The following ANKRD27 variants were observed in gnomAD, a reference collection of about 807,000 sequenced individuals.
The protein encoded by ANKRD27 is ankyrin repeat domain-containing protein 27.
In ANKRD27, 112 loss-of-function variants were observed where a neutral mutation model predicts 129.7. The ratio of observed to expected loss-of-function variants is 0.86; its 90% CI spans 0.74 to 1.01. ANKRD27 has a LOEUF of 1.01. Among genes scored for constraint, ANKRD27 ranks in the 50% least tolerant of loss-of-function variants. The pLI is 0.00. For synonymous variants in ANKRD27, 516 were observed against 511.2 expected, an observed-to-expected ratio of 1.01 and a Z score of -0.13; for missense variants, 1,258 against 1,300.5, an observed-to-expected ratio of 0.97 and a Z score of 0.50.
At chr19:32,660,372 G>A (rs1046034884) in intron 1 of ANKRD27, among the ~76,000 whole-genome samples, 1 of 152,116 alleles carries the variant, frequency 6.6e-6, no homozygotes, top group Admixed American at 6.6e-5. Context: ...GTGAAACCCC[G>A]TCTCTACTGA....
chr19:32,622,707 A>T, intron 17 of ANKRD27, 88 bp from the exon 18 acceptor site: 2 of 1,212,864 alleles, frequency 1.6e-6, no homozygotes, highest in Non-Finnish European at 2.4e-6. Flanking sequence ...CACCAAGCAA[A>T]TGTGCAGTAA....
At chr19:32,640,952 G>C (rs1967188765) in intron 10 of ANKRD27, among the ~76,000 whole-genome samples, 1 of 152,084 alleles carries the variant, frequency 6.6e-6, no homozygotes. Flanking sequence ...AGACTGGAGT[G>C]CAGTGGCGCA....
intron 12 of ANKRD27, 143 bp downstream of exon 12, chr19:32,639,213 T>G (rs529424136): frequency 2.1e-6 from 2 of 971,476 alleles, no homozygotes; most frequent in Non-Finnish European, 3.0e-6. Context: ...GAGTGATTTT[T>G]AAGACTCACA....
At chr19:32,666,051 A>G (rs1212188037) in intron 1 of ANKRD27, among the ~76,000 whole-genome samples, 1 of 152,010 alleles carries the variant, frequency 6.6e-6, no homozygotes, top group Non-Finnish European at 1.5e-5. Context: ...TACAGGCGTG[A>G]GCCACCACAC....
chr19:32,643,556 A>T lies in ANKRD27; in HGVS notation c.585+16T>A. On this transcript the variant is annotated intron_variant, in intron 6 of 28. Transcript: ENST00000306065. Reference sequence around the variant, plus strand: ...GGTGCACCACAATTCTCCCTCTCAGAAGTCCTGCTGCTTACCAGGTGAGAG... The same window carrying T: ...GGTGCACCACAATTCTCCCTCTCAGTAGTCCTGCTGCTTACCAGGTGAGAG... 1 of 1,613,998 alleles carries T rather than the reference A, an allele frequency of 6.2e-7. No homozygotes were observed. Among genetic ancestry groups the T allele is most frequent in the Non-Finnish European group, 8.5e-7 (1 of 1,179,978 alleles).
At chr19:32,618,642 C>A (rs574566320) in intron 20 of ANKRD27, among the ~76,000 whole-genome samples, 4 of 152,104 alleles carry the variant, frequency 2.6e-5, no homozygotes, top group African/African-American at 9.6e-5. Context: ...GAGCATGTCA[C>A]GGCTTGTGGG....
chr19:32,625,847 C>A, intron 17 of ANKRD27, 27 bp downstream of exon 17: 2 of 1,521,036 alleles, frequency 1.3e-6, no homozygotes, highest in South Asian at 2.5e-5. Flanking sequence ...TGAACGCAGC[C>A]CCCCCGGAAC....
chr19:32,611,939 C>G (rs1971841737), intron 22 of ANKRD27, among the ~76,000 whole-genome samples: 1 of 151,950 alleles, frequency 6.6e-6, no homozygotes, highest in African/African-American at 2.4e-5. Flanking sequence ...GGGTCTTACT[C>G]TGTTGGCCAG....
chr19:32,641,231 T>C (rs7260258), intron 10 of ANKRD27, among the ~76,000 whole-genome samples: 7,345 of 150,558 alleles, frequency 0.049, 534 homozygotes, highest in African/African-American at 0.15. Context: ...AAAAAAAATA[T>C]GTTAACTCCA....
In ANKRD27 at chr19:32,672,352, GA is replaced by G. The variant is rs1967887794; in HGVS notation, c.-31+2718del. ...GTGTCCTCCTGACCTATAACATTTA[GA>G]GATCCTGTCCATATTCTTCTCAAAG... On this transcript the variant is annotated intron_variant, in intron 1 of 28. Transcript: ENST00000306065. Among the ~76,000 whole-genome samples, 6 of 152,330 alleles carry G rather than the reference GA, an allele frequency of 3.9e-5. No individual in the cohort carries two copies. The South Asian group carries it at 1.2e-3, about 32-fold the overall frequency.
At chr19:32,608,744 G>A (rs544749435) in intron 22 of ANKRD27, among the ~76,000 whole-genome samples, 3 of 152,234 alleles carry the variant, frequency 2.0e-5, no homozygotes, top group South Asian at 4.1e-4. Context: ...CTGAGGTCAG[G>A]AGTTCTAGAC....
rs1257380156 is a variant in ANKRD27 at position 32,628,867 on chromosome 19, A to G, written c.1210-18T>C. On this transcript the variant is annotated intron_variant, in intron 13 of 28. Coordinates refer to ENST00000306065, the MANE Select transcript of ANKRD27 (RefSeq NM_032139.3). The stretch of plus-strand genomic sequence containing the variant: ...GCAATGTGCTGAAAAGTGACATCCA[A>G]GATGCTATCCACATGCTGGAATTAC... 4.3e-6 allele frequency: 7 copies of G among 1,613,612 alleles called. No individual in the cohort carries two copies. The African/African-American group carries it at 9.3e-5, about 22-fold the overall frequency.
chr19:32,643,419 C>T lies in ANKRD27; in HGVS notation c.639+12G>A, dbSNP rs1470718451. 2 of 1,613,742 alleles carry T rather than the reference C, an allele frequency of 1.2e-6. No individual in the cohort carries two copies. Among genetic ancestry groups the T allele is most frequent in the Admixed American group, 1.7e-5 (1 of 59,946 alleles). On this transcript the variant is annotated intron_variant, in intron 7 of 28. Coordinates refer to ENST00000306065, the MANE Select transcript of ANKRD27 (RefSeq NM_032139.3). ...CAGGGTGTGCCTCCCAGCCACTCCG[C>T]CCCACCCTCACCTCCACTGCCTGCT... is the stretch of plus-strand genomic sequence containing the variant.
At chr19:32,613,944 GTGATCCACCTGCC>G (rs1971872971) in intron 22 of ANKRD27, among the ~76,000 whole-genome samples, 1 of 152,072 alleles carries the variant, frequency 6.6e-6, no homozygotes, top group Non-Finnish European at 1.5e-5. Flanking sequence ...TTCTAACTTC[GTGATCCACCTGCC>G]TCGGCCTCCC....
chr19:32,655,708 G>A (rs948220059), intron 2 of ANKRD27, among the ~76,000 whole-genome samples: 1 of 151,612 alleles, frequency 6.6e-6, no homozygotes, highest in South Asian at 2.1e-4. Context: ...AATTGAGAAC[G>A]CCGTCTCTAC....
intron 25 of ANKRD27, among the ~76,000 whole-genome samples, 164 bp from the exon 26 acceptor site, chr19:32,602,290 G>A (rs544074537): frequency 6.6e-5 from 10 of 152,026 alleles, no homozygotes; most frequent in Admixed American, 3.3e-4. Context: ...GTAAAAGCAG[G>A]CCTGCATGGG....
In ANKRD27 at chr19:32,625,913, A is replaced by G. The variant is rs1468361305; in HGVS notation, c.1590T>C (p.Asn530=). 1.9e-6 allele frequency: 3 copies of G among 1,610,978 alleles called. No individual in the cohort carries two copies. Among genetic ancestry groups the G allele is most frequent in the Non-Finnish European group, 1.7e-6 (2 of 1,178,976 alleles). The change falls in exon 17 of 29, where the codon AAT becomes AAC. Residue 530 remains asparagine, a synonymous_variant. Coordinates refer to ENST00000306065, the MANE Select transcript of ANKRD27 (RefSeq NM_032139.3). ...AGGTGCAGGCCAGGTGGAGTGGCGTATTCCCATTGTTGTCCTGCACTTCCG... is the reference window on the plus strand; with the variant it reads ...AGGTGCAGGCCAGGTGGAGTGGCGTGTTCCCATTGTTGTCCTGCACTTCCG... ...ASAEVQDNNG[N]TPLHLACTYG... is the part of the protein sequence containing the mutation.
At chr19:32,655,643 G>A (rs1404844936) in intron 2 of ANKRD27, among the ~76,000 whole-genome samples, 4 of 152,326 alleles carry the variant, frequency 2.6e-5, no homozygotes, top group South Asian at 4.1e-4. Flanking sequence ...CACTTTGGGA[G>A]GCCAAGGCAG....
chr19:32,617,032 G>A (rs382416), intron 21 of ANKRD27, among the ~76,000 whole-genome samples: 114,485 of 152,104 alleles, frequency 0.75, 44,026 homozygotes, highest in African/African-American at 0.91. Flanking sequence ...CACTCCTGGA[G>A]TATGGACATC....
Sources: allele counts gnomAD v4.1 joint callset (sites outside exome capture counted in the v4.1 genomes callset), GRCh38; gene constraint gnomAD v4.1.1; transcripts MANE v1.5; gene names NCBI Gene and HGNC (gene_info 2026-07-23, HGNC 2026-07-21).